TMEM9: variants seen among roughly 807,000 people sequenced by gnomAD.
TMEM9 encodes proton-transporting V-type ATPase complex assembly regulator TMEM9.
In TMEM9, 13 loss-of-function variants were observed where a neutral mutation model predicts 22.8. The observed-to-expected ratio is 0.57, with a 90% CI of 0.37 to 0.91. The LOEUF (loss-of-function observed/expected upper bound fraction) is 0.91. Ranked by LOEUF, TMEM9 falls within the 40% of genes least tolerant of loss-of-function variation. The pLI, the probability that TMEM9 is intolerant of heterozygous loss-of-function variation, is 0.01. For missense variants in TMEM9, 182 were observed against 238.1 expected (o/e 0.76, Z 1.55); for synonymous variants, 88 against 93.0 (o/e 0.95, Z 0.31).
intron 1 of TMEM9, among the ~76,000 whole-genome samples, chr1:201,162,804 T>C (rs888671071): frequency 6.6e-6 from 1 of 152,104 alleles, no homozygotes; most frequent in Non-Finnish European, 1.5e-5. Flanking sequence ...AAGAAAATAT[T>C]TGCACATGAC....
rs936819442 is a variant in TMEM9 at position 201,143,923 on chromosome 1, A to G, written c.296T>C (p.Val99Ala). ...KVIIVIYLSV[V>A]GALLLYMAFL... is the part of the protein sequence containing the mutation. The stretch of plus-strand genomic sequence containing the variant: ...GGCCATGTAGAGCAACAGGGCACCC[A>G]CCACGGACAGGTAGATGACAATGAT... Residue 99 changes from valine (V) to alanine (A), a missense_variant, in exon 4 of 5, where the codon GTG becomes GCG. Physicochemically the swap from Val to Ala is moderately conservative, Grantham distance 64 (BLOSUM62 0). Transcript: ENST00000367330. 2 of 1,614,148 alleles carry G rather than the reference A, an allele frequency of 1.2e-6. No homozygotes were observed. Among genetic ancestry groups the G allele is most frequent in the Non-Finnish European group, 1.7e-6 (2 of 1,180,006 alleles).
At position 201,143,328 on chromosome 1, in the gene TMEM9, C is replaced by T. The variant is rs138525756; in HGVS notation, c.399+492G>A. On this transcript the variant is annotated intron_variant, in intron 4 of 4. Coordinates refer to ENST00000367330, the MANE Select transcript of TMEM9 (RefSeq NM_001288565.2). ...CACATACTTGGCAATGTCCCCTGCC[C>T]GGCACCACTGTCTCATTCCTCTTCC... is the stretch of plus-strand genomic sequence containing the variant. 5.6e-4 allele frequency among the ~76,000 whole-genome samples: 85 copies of T among 152,334 alleles called. No homozygotes were observed. The East Asian group carries it at 0.012, about 21-fold the overall frequency.
At chr1:201,170,457 A>G (rs1666181509) in intron 1 of TMEM9, among the ~76,000 whole-genome samples, 1 of 152,210 alleles carries the variant, frequency 6.6e-6, no homozygotes, top group Non-Finnish European at 1.5e-5. Flanking sequence ...TTTACCTTTA[A>G]AAGTGAAAAA....
At chr1:201,151,707 C>G (rs1343871957) in intron 2 of TMEM9, 54 bp downstream of exon 2, 18 of 1,333,310 alleles carry the variant, frequency 1.4e-5, no homozygotes, top group Non-Finnish European at 1.9e-5. Flanking sequence ...CTCTAGTAAA[C>G]ACCCATAACT....
intron 2 of TMEM9, 27 bp from the exon 3 acceptor site, chr1:201,146,875 G>A (rs570809388): frequency 7.8e-5 from 126 of 1,607,950 alleles, no homozygotes; most frequent in Middle Eastern, 6.7e-4. Flanking sequence ...CAGGGCTGTC[G>A]AGGCAGGGCC....
At chr1:201,168,778 G>A (rs970144621) in intron 1 of TMEM9, among the ~76,000 whole-genome samples, 1 of 117,190 alleles carries the variant, frequency 8.5e-6, no homozygotes, top group African/African-American at 3.4e-5. Flanking sequence ...TGGGGCAGGG[G>A]GCATTATTTT....
At chr1:201,166,366 CTTTTT>C (rs10712932) in intron 1 of TMEM9, among the ~76,000 whole-genome samples, 4 of 141,882 alleles carry the variant, frequency 2.8e-5, no homozygotes, top group African/African-American at 1.0e-4. Flanking sequence ...GACTATGATT[CTTTTT>C]TTTTTTTTGA....
chr1:201,142,842 G>T (rs1385008680), intron 4 of TMEM9, among the ~76,000 whole-genome samples: 1 of 152,216 alleles, frequency 6.6e-6, no homozygotes, highest in Non-Finnish European at 1.5e-5. Context: ...GCATAAAGGG[G>T]GAGCCCGAGG....
chr1:201,169,696 AT>A (rs113856764), intron 1 of TMEM9, among the ~76,000 whole-genome samples: 148 of 150,002 alleles, frequency 9.9e-4, no homozygotes, highest in African/African-American at 2.6e-3. Flanking sequence ...GTGTTCACAC[AT>A]TTTTTTTTTG....
chr1:201,142,808 C>G (rs533237038), intron 4 of TMEM9, among the ~76,000 whole-genome samples: 2 of 152,368 alleles, frequency 1.3e-5, no homozygotes, highest in Admixed American at 6.5e-5. Flanking sequence ...CTGTCTCATG[C>G]ACCCAGCTAG....
chr1:201,136,569 T>C (rs1455737882), intron 4 of TMEM9, among the ~76,000 whole-genome samples: 1 of 152,152 alleles, frequency 6.6e-6, no homozygotes, highest in Non-Finnish European at 1.5e-5. Flanking sequence ...ATTCCCTCCT[T>C]TGATAGCTGA....
intron 1 of TMEM9, among the ~76,000 whole-genome samples, chr1:201,165,179 T>TATATATATATATATA (rs1666042592): frequency 7.1e-6 from 1 of 141,328 alleles, no homozygotes; most frequent in African/African-American, 2.6e-5. Flanking sequence ...TATATATATA[T>TATATATATATATATA]TCATTATCAT....
At chr1:201,157,304 C>T (rs1168276858), upstream of TMEM9, among the ~76,000 whole-genome samples, 7 of 152,294 alleles carry the variant, frequency 4.6e-5, no homozygotes, top group East Asian at 1.4e-3. Context: ...TGAGCTTCTC[C>T]ATGTTGCCCA....
intron 4 of TMEM9, among the ~76,000 whole-genome samples, chr1:201,140,346 GCT>G (rs967809918): frequency 6.6e-6 from 1 of 152,322 alleles, no homozygotes; most frequent in African/African-American, 2.4e-5. Context: ...ATCTAAAACA[GCT>G]CTGTTTGCCG....
In TMEM9 at chr1:201,146,759, C is replaced by T. The variant is rs749532477; in HGVS notation, c.248G>A (p.Arg83His). The change falls in exon 3 of 5, where the codon CGC becomes CAC. Residue 83 changes from arginine (R) to histidine (H), a missense_variant. Coordinates refer to ENST00000367330, the MANE Select transcript of TMEM9 (RefSeq NM_001288565.2). Reference protein sequence around the residue: ...CLLCECRYEERSTTTIKVIIV... With the variant: ...CLLCECRYEEHSTTTIKVIIV... ...CGTTACCTTGATGGTGGTGGTGCTG[C>T]GCTCCTCGTACCTGCACTCGCACAG... The T allele has an allele frequency of 1.6e-5, 26 of 1,614,092 alleles. No homozygotes were observed. Among genetic ancestry groups the T allele is most frequent in the South Asian group, 1.1e-5 (1 of 91,086 alleles).
In TMEM9 at chr1:201,135,581, G is replaced by A. The variant is rs73081046; in HGVS notation, c.*82C>T. ...AAAGGGAAGACTGGAACCGAGGGAAGGGAGAAGTAGCCCCCTGCTTTGTCC... is the reference window on the plus strand; with the variant it reads ...AAAGGGAAGACTGGAACCGAGGGAAAGGAGAAGTAGCCCCCTGCTTTGTCC... On this transcript the variant is annotated 3_prime_UTR_variant, in exon 5 of 5. Coordinates refer to ENST00000367330, the MANE Select transcript of TMEM9 (RefSeq NM_001288565.2). 1.0e-3 allele frequency: 1,398 copies of A among 1,379,314 alleles called. 8 individuals carry two copies. The African/African-American group carries it at 0.019, about 19-fold the overall frequency. 85.4% of individuals were successfully genotyped at this position (1,379,314 alleles called of 1,614,324 possible). A position where few individuals can be genotyped will look rare whatever the true frequency, so the allele number is the denominator to read the frequency against.
chr1:201,135,602 T>C lies in TMEM9; in HGVS notation c.*61A>G, dbSNP rs1221557071. On this transcript the variant is annotated 3_prime_UTR_variant, in exon 5 of 5. Transcript: ENST00000367330. The stretch of plus-strand genomic sequence containing the variant: ...GGAAGGGAGAAGTAGCCCCCTGCTT[T>C]GTCCAGCCTGGAAGCTGGCAGCCAT... 6.8e-6 allele frequency: 10 copies of C among 1,465,712 alleles called. No individual in the cohort carries two copies. Among genetic ancestry groups the C allele is most frequent in the Non-Finnish European group, 9.1e-6 (10 of 1,099,828 alleles). The allele number at this position is 1,465,712 out of a possible 1,614,324, so 90.8% of individuals were successfully genotyped here.
intron 4 of TMEM9, among the ~76,000 whole-genome samples, chr1:201,138,133 G>C (rs1664163519): frequency 6.6e-6 from 1 of 152,116 alleles, no homozygotes; most frequent in Non-Finnish European, 1.5e-5. Context: ...TGTGTGTGGG[G>C]TGGGGTGCTA....
At chr1:201,149,479 C>T (rs535546396) in intron 2 of TMEM9, among the ~76,000 whole-genome samples, 3 of 152,188 alleles carry the variant, frequency 2.0e-5, no homozygotes, top group Non-Finnish European at 4.4e-5. Context: ...TCAGTGCTTT[C>T]CTGCTCTGGG....
Sources: gnomAD v4.1 joint callset for allele counts (sites outside exome capture counted in the v4.1 genomes callset) on GRCh38, gnomAD v4.1.1 for gene constraint, MANE v1.5 for transcripts, NCBI Gene and HGNC (gene_info 2026-07-23, HGNC 2026-07-21) for gene names.